POLI: variants seen among roughly 807,000 people sequenced by gnomAD.
POLI encodes RAD30 homolog B.
POLI carries 58 observed loss-of-function variants against 51.6 expected under a neutral mutation model. The ratio of observed to expected loss-of-function variants is 1.12; its 90% CI spans 0.91 to 1.40. The LOEUF (loss-of-function observed/expected upper bound fraction) is 1.40. POLI is among the 40% of genes most tolerant of loss of function. The pLI, the probability that POLI is intolerant of heterozygous loss-of-function variation, is 0.00. For missense variants in POLI, 921 were observed against 871.3 expected (o/e 1.06, Z -0.72); for synonymous variants, 322 against 299.7 (o/e 1.07, Z -0.77).
intron 3 of POLI, chr18:54,274,876 C>T (rs2087170146): frequency 6.6e-6 from 1 of 151,840 alleles, no homozygotes; most frequent in African/African-American, 2.4e-5. Flanking sequence ...CTATAATATA[C>T]AAAGACCTCT....
Position 54,269,545 on chromosome 18 carries a change from G to A in POLI, c.-2G>A. ...AGTAGCGCTGCGGTTGGCAGCGGCG[G>A]GATGGAGAAGCTGGGGGTGGAGCCG... On this transcript the variant is annotated 5_prime_UTR_variant, in exon 1 of 10. Coordinates refer to ENST00000579534, the MANE Select transcript of POLI (RefSeq NM_007195.3). The A allele has an allele frequency of 6.6e-7, 1 of 1,509,416 alleles. No individual in the cohort carries two copies. Among genetic ancestry groups the A allele is most frequent in the Admixed American group, 2.4e-5 (1 of 42,192 alleles). 93.5% of individuals were successfully genotyped at this position (1,509,416 alleles called of 1,614,324 possible).
At position 54,295,115 on chromosome 18, in the gene POLI, G is replaced by A. The variant is rs1427427274; in HGVS notation, c.*648G>A. The A allele has an allele frequency of 2.0e-6, 2 of 985,374 alleles. No individual in the cohort carries two copies. Among genetic ancestry groups the A allele is most frequent in the Non-Finnish European group, 2.4e-6 (2 of 829,988 alleles). The allele number at this position is 985,374 out of a possible 1,614,324, so 61.0% of individuals were successfully genotyped here. On this transcript the variant is annotated 3_prime_UTR_variant, in exon 10 of 10. Coordinates refer to ENST00000579534, the MANE Select transcript of POLI (RefSeq NM_007195.3). ...GAGTTAAAGTGAGAGGAGGGTATAT[G>A]TTATAGAGAACAGTGGTAGAAGGAA...
intron 8 of POLI, chr18:54,291,517 T>C: frequency 4.9e-6 from 1 of 205,740 alleles, no homozygotes; most frequent in South Asian, 8.5e-5. Context: ...GATCAGTACT[T>C]CTCACTTTGT....
At chr18:54,278,573 C>T (rs1177979546) in intron 4 of POLI, among the ~76,000 whole-genome samples, 1 of 152,154 alleles carries the variant, frequency 6.6e-6, no homozygotes, top group Non-Finnish European at 1.5e-5. Context: ...GGCTATCTGC[C>T]ATGTGCTAGA....
intron 2 of POLI, among the ~76,000 whole-genome samples, chr18:54,273,408 C>G (rs1300973324): frequency 2.1e-5 from 3 of 140,378 alleles, no homozygotes; most frequent in African/African-American, 8.2e-5. Flanking sequence ...TTTGGTAGAA[C>G]ATGCCCTATT....
chr18:54,269,948 T>C, intron 1 of POLI: 2 of 1,174,792 alleles, frequency 1.7e-6, no homozygotes, highest in South Asian at 7.4e-5. Flanking sequence ...CGGGAATCCC[T>C]CAGCCAGCCC....
At chr18:54,280,959 T>TA in intron 5 of POLI, 56 bp downstream of exon 5, 1 of 895,506 alleles carries the variant, frequency 1.1e-6, no homozygotes, top group Non-Finnish European at 1.7e-6. Flanking sequence ...TCTTTTAATT[T>TA]AAAAAATTAT....
chr18:54,313,253 G>T (rs997204696), intron 3 of POLI, among the ~76,000 whole-genome samples: 1 of 152,116 alleles, frequency 6.6e-6, no homozygotes, highest in East Asian at 1.9e-4. Context: ...AAGATCAGAT[G>T]GTTGTAGGTA....
chr18:54,301,875 A>C (rs972898552), downstream of POLI, among the ~76,000 whole-genome samples: 2 of 152,148 alleles, frequency 1.3e-5, no homozygotes, highest in African/African-American at 2.4e-5. Flanking sequence ...TATTCTCTAA[A>C]TGTTTATTTC....
At chr18:54,314,925 T>C (rs779038645) in intron 3 of POLI, among the ~76,000 whole-genome samples, 8 of 152,332 alleles carry the variant, frequency 5.3e-5, no homozygotes, top group Non-Finnish European at 1.0e-4. Context: ...TTTGATTTCA[T>C]TGATCTTTTT....
chr18:54,300,453 G>A (rs1291911808), downstream of POLI, among the ~76,000 whole-genome samples: 1 of 151,664 alleles, frequency 6.6e-6, no homozygotes, highest in African/African-American at 2.4e-5. Context: ...CACTGAAATA[G>A]CAAAATAAGT....
chr18:54,303,612 T>A (rs1165525200), intron 3 of POLI, among the ~76,000 whole-genome samples: 1 of 152,156 alleles, frequency 6.6e-6, no homozygotes, highest in Non-Finnish European at 1.5e-5. Context: ...GATGAGGATG[T>A]GTCACTCCAG....
In POLI at chr18:54,294,899, C is replaced by T; in HGVS notation, c.*432C>T. Reference sequence around the variant, plus strand: ...AATAGCAAATCCTACTGCCAACTAACCTATTAAAAATATAGATAGTTTTGA... The same window carrying T: ...AATAGCAAATCCTACTGCCAACTAATCTATTAAAAATATAGATAGTTTTGA... On this transcript the variant is annotated 3_prime_UTR_variant, in exon 10 of 10. Transcript: ENST00000579534. 1.0e-6 allele frequency: 1 copy of T among 981,436 alleles called. No individual in the cohort carries two copies. The highest frequency in any genetic ancestry group is 1.2e-6 in the Non-Finnish European group (1 of 827,064). 60.8% of individuals were successfully genotyped at this position (981,436 alleles called of 1,614,324 possible).
rs1208480811 is a variant in POLI at position 54,281,719 on chromosome 18, C to G, written c.796+816C>G. ...TATATACTGGTGCAAAACATTCTTA[C>G]TTGGCTTTACTTTCGAGTTCTTGTA... On this transcript the variant is annotated intron_variant, in intron 5 of 9. Coordinates refer to ENST00000579534, the MANE Select transcript of POLI (RefSeq NM_007195.3). Among the ~76,000 whole-genome samples, 3 of 150,300 alleles carry G rather than the reference C, an allele frequency of 2.0e-5. No homozygotes were observed. In the East Asian group the frequency reaches 5.9e-4, roughly 29 times the overall value.
chr18:54,316,535 A>G (rs955656467), intron 3 of POLI, among the ~76,000 whole-genome samples: 2 of 152,198 alleles, frequency 1.3e-5, no homozygotes, highest in African/African-American at 4.8e-5. Flanking sequence ...TTTTGAGTCC[A>G]CAGAATAAAA....
rs183188109 is a variant in POLI at position 54,282,767 on chromosome 18, T to C, written c.797-70T>C. The C allele has an allele frequency of 3.1e-4, 250 of 812,692 alleles. 1 individual carries two copies. The African/African-American group carries it at 3.6e-3, about 12-fold the overall frequency. The allele number at this position is 812,692 out of a possible 1,614,324, so 50.3% of individuals were successfully genotyped here. A position where few individuals can be genotyped will look rare whatever the true frequency, so the allele number is the denominator to read the frequency against. On this transcript the variant is annotated intron_variant, in intron 5 of 9. Transcript: ENST00000579534. Reference sequence around the variant, plus strand: ...CTTAAAGATAAGATTGATATATTTATAATATTTTAATTAGCTTTGTTTTAA... The same window carrying C: ...CTTAAAGATAAGATTGATATATTTACAATATTTTAATTAGCTTTGTTTTAA...
rs536258775 is a variant in POLI at position 54,311,427 on chromosome 18, G to C, written c.334-8846G>C. Among the ~76,000 whole-genome samples, 8 of 152,272 alleles carry C rather than the reference G, an allele frequency of 5.3e-5. 1 individual carries two copies. The South Asian group carries it at 1.2e-3, about 24-fold the overall frequency. Reference sequence around the variant, plus strand: ...TGAAATTACTATTGAATTTTAAAAAGTGGTCAGTATAGTATATTTGTGTCA... The same window carrying C: ...TGAAATTACTATTGAATTTTAAAAACTGGTCAGTATAGTATATTTGTGTCA... On this transcript the variant is annotated intron_variant, in intron 3 of 4. Transcript: ENST00000579823.
In POLI at chr18:54,284,023, A is replaced by C. The variant is rs1372573961; in HGVS notation, c.1067+10A>C. ...CTAGTCTTTTAAACAGGTGATTTTC[A>C]ATCCATTTTGCCAAGTCATCCTATG... is the stretch of plus-strand genomic sequence containing the variant. On this transcript the variant is annotated intron_variant, in intron 7 of 9. Coordinates refer to ENST00000579534, the MANE Select transcript of POLI (RefSeq NM_007195.3). The C allele has an allele frequency of 1.7e-6, 2 of 1,195,202 alleles. No homozygotes were observed. The highest frequency in any genetic ancestry group is 1.5e-5 in the African/African-American group (1 of 65,854). 74.0% of individuals were successfully genotyped at this position (1,195,202 alleles called of 1,614,324 possible).
chr18:54,303,981 A>C (rs2088537335), intron 3 of POLI, among the ~76,000 whole-genome samples: 1 of 149,464 alleles, frequency 6.7e-6, no homozygotes, highest in Non-Finnish European at 1.5e-5. Context: ...CTCATTGTTC[A>C]GTTCCCACCT....
Sources: gnomAD v4.1 joint callset for allele counts (sites outside exome capture counted in the v4.1 genomes callset) on GRCh38, gnomAD v4.1.1 for gene constraint, MANE v1.5 for transcripts, NCBI Gene and HGNC (gene_info 2026-07-23, HGNC 2026-07-21) for gene names.